AFG1L: variants seen among roughly 807,000 people sequenced by gnomAD.
The protein encoded by AFG1L is AFG1 like ATPase, also known as AFG1-like ATPase.
In AFG1L, 53 loss-of-function variants were observed where a neutral mutation model predicts 62.2. The observed-to-expected ratio is 0.85, with a 90% CI of 0.68 to 1.07. The LOEUF (loss-of-function observed/expected upper bound fraction) is 1.07, where lower values mean the gene tolerates loss of function less well. AFG1L is among the 50% of genes least tolerant of loss of function. The pLI is 0.00. For synonymous variants in AFG1L, 228 were observed against 210.3 expected (o/e 1.08, Z -0.73); for missense variants, 555 against 590.5 (o/e 0.94, Z 0.62).
intron 1 of AFG1L, among the ~76,000 whole-genome samples, chr6:108,312,303 C>T (rs903753533): frequency 6.6e-6 from 1 of 152,006 alleles, no homozygotes; most frequent in South Asian, 2.1e-4. Context: ...CTTTGGGAGC[C>T]GGAGGCAGGA....
intron 8 of AFG1L, among the ~76,000 whole-genome samples, chr6:108,450,036 A>C (rs1054978487): frequency 6.6e-6 from 1 of 152,180 alleles, no homozygotes. Context: ...AGTCTTTACT[A>C]TTGTGAATAG....
chr6:108,469,712 T>C (rs1311782548), intron 8 of AFG1L, among the ~76,000 whole-genome samples: 1 of 152,172 alleles, frequency 6.6e-6, no homozygotes, highest in Non-Finnish European at 1.5e-5. Context: ...TAACTTGCAT[T>C]TTTCTATCAA....
intron 6 of AFG1L, among the ~76,000 whole-genome samples, chr6:108,378,486 T>C (rs968680180): frequency 2.6e-5 from 4 of 151,956 alleles, no homozygotes; most frequent in African/African-American, 9.7e-5. Context: ...GCCCAGCTAA[T>C]TTTTGTATTT....
At chr6:108,401,848 C>T in intron 6 of AFG1L, 148 bp from the exon 7 acceptor site, 1 of 486,366 alleles carries the variant, frequency 2.1e-6, no homozygotes, top group Non-Finnish European at 3.7e-6. Context: ...TGTGTAGGAC[C>T]CAAAGAGAAA....
At chr6:108,374,419 T>A (rs1208039667) in intron 6 of AFG1L, among the ~76,000 whole-genome samples, 3 of 152,206 alleles carry the variant, frequency 2.0e-5, no homozygotes, top group African/African-American at 7.2e-5. Flanking sequence ...CCAAGACTGA[T>A]ATTCAGAATG....
chr6:108,298,493 T>A (rs1465555010), intron 1 of AFG1L, among the ~76,000 whole-genome samples: 2 of 152,166 alleles, frequency 1.3e-5, no homozygotes, highest in Non-Finnish European at 2.9e-5. Flanking sequence ...CTTGAACTCC[T>A]GACCTCAGGT....
intron 3 of AFG1L, among the ~76,000 whole-genome samples, chr6:108,352,388 CT>C (rs1779115802): frequency 6.6e-6 from 1 of 152,038 alleles, no homozygotes; most frequent in African/African-American, 2.4e-5. Flanking sequence ...TCAGGATGCC[CT>C]TGGATACTAA....
At chr6:108,355,805 A>G (rs746568878) in intron 4 of AFG1L, 50 bp downstream of exon 4, 2 of 1,213,620 alleles carry the variant, frequency 1.6e-6, no homozygotes, top group Non-Finnish European at 1.2e-6. Flanking sequence ...AAACGCTACA[A>G]AATGGTTTTC....
At chr6:108,341,821 T>C (rs1401966134) in intron 2 of AFG1L, among the ~76,000 whole-genome samples, 1 of 152,116 alleles carries the variant, frequency 6.6e-6, no homozygotes, top group Admixed American at 6.5e-5. Flanking sequence ...ACAAACTCCC[T>C]AAGATACAGG....
At chr6:108,491,250 ACACT>A (rs1773769499) in intron 10 of AFG1L, among the ~76,000 whole-genome samples, 1 of 152,230 alleles carries the variant, frequency 6.6e-6, no homozygotes, top group African/African-American at 2.4e-5. Context: ...AATTAAGTCA[ACACT>A]CAGCCTTCTA....
rs192211934 is a variant in AFG1L at position 108,436,158 on chromosome 6, T to A, written c.808-11056T>A. ...TATCATTTTTGTATGAGATTAGGTTTTTTTTTAGACAGAGTCTCGCTGTGT... is the reference window on the plus strand; with the variant it reads ...TATCATTTTTGTATGAGATTAGGTTATTTTTTAGACAGAGTCTCGCTGTGT... On this transcript the variant is annotated intron_variant, in intron 7 of 12. Transcript: ENST00000368977. Among the ~76,000 whole-genome samples, 194 of 152,304 alleles carry A rather than the reference T, an allele frequency of 1.3e-3. 1 individual carries two copies. Among genetic ancestry groups the A allele is most frequent in the African/African-American group, 4.4e-3 (183 of 41,576 alleles).
intron 10 of AFG1L, among the ~76,000 whole-genome samples, chr6:108,507,415 G>T (rs957924424): frequency 5.9e-5 from 9 of 152,192 alleles, no homozygotes; most frequent in Non-Finnish European, 2.9e-5. Context: ...ATGTGAATGA[G>T]CATGTAATTG....
intron 8 of AFG1L, among the ~76,000 whole-genome samples, chr6:108,467,726 C>T (rs1439926567): frequency 3.3e-5 from 5 of 152,074 alleles, no homozygotes; most frequent in African/African-American, 1.2e-4. Context: ...TGTTATTTTA[C>T]AGAAAACTAC....
At chr6:108,308,345 C>G (rs906860844) in intron 1 of AFG1L, among the ~76,000 whole-genome samples, 7 of 151,996 alleles carry the variant, frequency 4.6e-5, no homozygotes, top group African/African-American at 1.7e-4. Context: ...GAGACAGCAT[C>G]TCTCTATGTT....
intron 8 of AFG1L, among the ~76,000 whole-genome samples, chr6:108,457,846 G>A (rs1772311878): frequency 6.6e-6 from 1 of 151,932 alleles, no homozygotes; most frequent in Admixed American, 6.6e-5. Context: ...ATTTTTGCTG[G>A]CTAGAGAATT....
chr6:108,329,060 T>TTCCCTCCC (rs1164909589), intron 2 of AFG1L, among the ~76,000 whole-genome samples: 1 of 151,646 alleles, frequency 6.6e-6, no homozygotes, highest in Non-Finnish European at 1.5e-5. Context: ...ATTTGTCTTA[T>TTCCCTCCC]TCCCTCCCTC....
At chr6:108,313,939 G>A (rs1208845881) in intron 1 of AFG1L, among the ~76,000 whole-genome samples, 1 of 152,134 alleles carries the variant, frequency 6.6e-6, no homozygotes, top group Non-Finnish European at 1.5e-5. Context: ...TCACAGCTGG[G>A]TGCAGTGGCT....
chr6:108,339,152 CTCT>C (rs1391960114), intron 2 of AFG1L, among the ~76,000 whole-genome samples: 1 of 150,970 alleles, frequency 6.6e-6, no homozygotes, highest in African/African-American at 2.4e-5. Context: ...AGAAAATAAA[CTCT>C]TTTTTTTTTT....
chr6:108,474,571 G>T (rs762123827), intron 8 of AFG1L, among the ~76,000 whole-genome samples: 2 of 151,964 alleles, frequency 1.3e-5, no homozygotes, highest in African/African-American at 2.4e-5. Context: ...TTTAATAATC[G>T]CCATTCTAAC....
Sources: gnomAD v4.1 joint callset for allele counts (sites outside exome capture counted in the v4.1 genomes callset) on GRCh38, gnomAD v4.1.1 for gene constraint, MANE v1.5 for transcripts, NCBI Gene and HGNC (gene_info 2026-07-23, HGNC 2026-07-21) for gene names.